The following GNB1L variants were observed in gnomAD, a reference collection of about 807,000 sequenced individuals.
GNB1L encodes G protein subunit beta 1 like, also known as guanine nucleotide-binding protein subunit beta-like protein 1.
In GNB1L, 20 loss-of-function variants were observed where a neutral mutation model predicts 29.1. The observed-to-expected ratio is 0.69, with a 90% CI of 0.48 to 1.00. The LOEUF (loss-of-function observed/expected upper bound fraction) is 1.00. Ranked by LOEUF, GNB1L falls within the 50% of genes least tolerant of loss-of-function variation. The pLI is 0.00. For synonymous variants in GNB1L, 193 were observed against 206.5 expected (o/e 0.93, Z 0.56); for missense variants, 421 against 464.9 (o/e 0.91, Z 0.87).
rs771911578 is a variant in GNB1L at position 19,802,125 on chromosome 22, C to T, written c.608G>A (p.Arg203His). Residue 203 changes from arginine (R) to histidine (H), a missense_variant, in exon 7 of 8, where the codon CGC becomes CAC. Coordinates refer to ENST00000329517, the MANE Select transcript of GNB1L (RefSeq NM_053004.3). Reference protein sequence around the residue: ...WDVSEQKVCSRIACHEEPVMD... With the variant: ...WDVSEQKVCSHIACHEEPVMD... ...GACGGGCTCCTCATGGCAGGCGATG[C>T]GGCTGCACACCTTCTGCTCAGAGAC... 5.5e-5 allele frequency: 89 copies of T among 1,613,186 alleles called. No individual in the cohort carries two copies. The highest frequency in any genetic ancestry group is 1.6e-4 in the African/African-American group (12 of 74,932).
intron 6 of GNB1L, among the ~76,000 whole-genome samples, chr22:19,804,553 T>C (rs1937410764): frequency 6.6e-6 from 1 of 151,780 alleles, no homozygotes; most frequent in African/African-American, 2.4e-5. Context: ...AAATTAAAAA[T>C]TAAAAAATTT....
At chr22:19,812,985 G>A (rs546674205) in intron 4 of GNB1L, among the ~76,000 whole-genome samples, 8 of 152,338 alleles carry the variant, frequency 5.3e-5, no homozygotes, top group East Asian at 3.9e-4. Flanking sequence ...TCCTCTCCAC[G>A]CGTACACCTG....
At chr22:19,850,680 C>G (rs1323325567) in intron 2 of GNB1L, 9 of 1,230,912 alleles carry the variant, frequency 7.3e-6, no homozygotes, top group Non-Finnish European at 9.1e-6. Flanking sequence ...CCAGCTGGGA[C>G]AGAAGTCACA....
intron 2 of GNB1L, among the ~76,000 whole-genome samples, chr22:19,833,322 G>T (rs545293228): frequency 1.5e-4 from 23 of 152,288 alleles, no homozygotes; most frequent in South Asian, 1.0e-3. Flanking sequence ...CAGAGAAATA[G>T]AAATTATTTT....
At chr22:19,812,512 G>A in intron 4 of GNB1L, 65 bp from the exon 5 acceptor site, 1 of 1,445,550 alleles carries the variant, frequency 6.9e-7, no homozygotes, top group Non-Finnish European at 9.4e-7. Context: ...CATGGCCCCT[G>A]CAGCGGAAGG....
At chr22:19,833,889 T>A (rs1003263417) in intron 2 of GNB1L, among the ~76,000 whole-genome samples, 3 of 149,418 alleles carry the variant, frequency 2.0e-5, no homozygotes, top group Non-Finnish European at 3.0e-5. Context: ...ATAATAATAA[T>A]AATATAAATA....
intron 2 of GNB1L, among the ~76,000 whole-genome samples, chr22:19,823,812 C>T (rs1303112390): frequency 6.6e-6 from 1 of 152,126 alleles, no homozygotes; most frequent in Non-Finnish European, 1.5e-5. Flanking sequence ...CACACACACA[C>T]ATGCACACAC....
Position 19,820,595 on chromosome 22 carries a change from C to T in GNB1L, c.254+3G>A. On this transcript the variant is annotated splice_donor_region_variant and intron_variant, in intron 4 of 7. Transcript: ENST00000329517. Reference sequence around the variant, plus strand: ...ACCTGGCTCCTGCACCTTGGAGACCCACCTGAGGAGCTGGCGCCCCTGGGG... The same window carrying T: ...ACCTGGCTCCTGCACCTTGGAGACCTACCTGAGGAGCTGGCGCCCCTGGGG... 6.2e-7 allele frequency: 1 copy of T among 1,611,334 alleles called. No individual in the cohort carries two copies. The highest frequency in any genetic ancestry group is 1.1e-5 in the South Asian group (1 of 90,896).
At chr22:19,805,228 A>T (rs1937419860) in intron 6 of GNB1L, among the ~76,000 whole-genome samples, 1 of 152,160 alleles carries the variant, frequency 6.6e-6, no homozygotes, top group African/African-American at 2.4e-5. Flanking sequence ...TTCCAAGTGA[A>T]CCTTCTCAGT....
At chr22:19,811,346 G>T (rs2145874787) in intron 5 of GNB1L, among the ~76,000 whole-genome samples, 1 of 152,274 alleles carries the variant, frequency 6.6e-6, no homozygotes, top group African/African-American at 2.4e-5. Flanking sequence ...TCGGCAGTGG[G>T]CATGGACAGT....
intron 2 of GNB1L, among the ~76,000 whole-genome samples, chr22:19,825,283 C>G (rs1242071986): frequency 6.6e-6 from 1 of 152,230 alleles, no homozygotes; most frequent in African/African-American, 2.4e-5. Context: ...GACGGACACC[C>G]TGGGTGGCCC....
chr22:19,852,012 C>T (rs559058508), intron 2 of GNB1L: 1 of 1,614,174 alleles, frequency 6.2e-7, no homozygotes, highest in African/African-American at 1.3e-5. Context: ...GGCATGTGCC[C>T]AGCTAGGGGA....
At chr22:19,814,526 T>G (rs1937517869) in intron 4 of GNB1L, among the ~76,000 whole-genome samples, 3 of 152,206 alleles carry the variant, frequency 2.0e-5, no homozygotes, top group Non-Finnish European at 1.5e-5. Context: ...AAGCTATACC[T>G]TGACAGTGGA....
intron 4 of GNB1L, among the ~76,000 whole-genome samples, chr22:19,819,202 A>G (rs1267793182): frequency 6.6e-6 from 1 of 152,238 alleles, no homozygotes; most frequent in Non-Finnish European, 1.5e-5. Context: ...CTCCCCCACC[A>G]GGACTGCCAG....
intron 2 of GNB1L, chr22:19,852,305 G>A: frequency 6.4e-7 from 1 of 1,561,688 alleles, no homozygotes; most frequent in Non-Finnish European, 8.7e-7. Context: ...GCACTGGTGG[G>A]TGGTGGGGGT....
chr22:19,840,608 G>A (rs1327364963), intron 2 of GNB1L, among the ~76,000 whole-genome samples: 1 of 152,006 alleles, frequency 6.6e-6, no homozygotes. Context: ...TCAGGAGTTC[G>A]AGGCCAGCCT....
chr22:19,788,952 C>T lies in GNB1L; in HGVS notation c.741G>A (p.Gly247=), dbSNP rs553674513. 2.1e-5 allele frequency: 33 copies of T among 1,602,152 alleles called. No individual in the cohort carries two copies. In the South Asian group the frequency reaches 2.5e-4, roughly 12 times the overall value. ...LDWQQALQVR[G]THELTNPGIA... is the part of the protein sequence containing the mutation. ...TCCCGGGATTGGTGAGTTCATGAGT[C>T]CCACGCACCTGTGAGAGTTGGGAGA... The change falls in exon 8 of 8, where the codon GGG becomes GGA. Residue 247 remains glycine (G), a synonymous_variant. Transcript: ENST00000329517.
chr22:19,840,507 C>T (rs1193132704), intron 2 of GNB1L, among the ~76,000 whole-genome samples: 1 of 152,184 alleles, frequency 6.6e-6, no homozygotes, highest in Non-Finnish European at 1.5e-5. Context: ...GTCCCACTGA[C>T]ATGATAGAAA....
intron 2 of GNB1L, among the ~76,000 whole-genome samples, chr22:19,852,842 G>A (rs1938141674): frequency 6.6e-6 from 1 of 152,164 alleles, no homozygotes; most frequent in Non-Finnish European, 1.5e-5. Flanking sequence ...CAGTGGTGAA[G>A]TAACTTGTCT....
Sources: allele counts gnomAD v4.1 joint callset (sites outside exome capture counted in the v4.1 genomes callset), GRCh38; gene constraint gnomAD v4.1.1; transcripts MANE v1.5; gene names NCBI Gene and HGNC (gene_info 2026-07-23, HGNC 2026-07-21).